Variants in BMAL2 observed in about 807,000 individuals in gnomAD.
BMAL2 encodes the protein basic helix-loop-helix ARNT-like protein 2.
At chr12:27,339,711 G>A in the BMAL2 span, among the ~76,000 whole-genome samples, 5 of 151,104 alleles carry the variant, frequency 3.3e-5, no homozygotes, top group African/African-American at 9.7e-5. Context: ...TGCAAGCTCC[G>A]CCTCCCGGGT....
At chr12:27,382,248 T>C in the BMAL2 span, among the ~76,000 whole-genome samples, 1 of 152,200 alleles carries the variant, frequency 6.6e-6, no homozygotes, top group Non-Finnish European at 1.5e-5. Context: ...ACATTAGCAG[T>C]GTCCTAAGGG....
At chr12:27,415,961 TA>T in the BMAL2 span, 1 of 1,482,738 alleles carries the variant, frequency 6.7e-7, no homozygotes, top group East Asian at 2.3e-5. Context: ...AGTATACTTG[TA>T]AATGATAATA....
At chr12:27,419,795 G>A in the BMAL2 span, among the ~76,000 whole-genome samples, 1 of 152,134 alleles carries the variant, frequency 6.6e-6, no homozygotes, top group East Asian at 1.9e-4. Flanking sequence ...GTCTTTATCT[G>A]CATTTTAACC....
the BMAL2 span, among the ~76,000 whole-genome samples, chr12:27,360,927 TA>T: frequency 1.9e-3 from 292 of 151,924 alleles, no homozygotes; most frequent in African/African-American, 6.5e-3. Flanking sequence ...CTCAAGGAAG[TA>T]ATTTAAACGT....
At chr12:27,333,103 G>C in the BMAL2 span, 4 of 1,206,038 alleles carry the variant, frequency 3.3e-6, no homozygotes, top group Non-Finnish European at 4.1e-6. Context: ...TGCGGCGGGA[G>C]GTGAGGTTGC....
At chr12:27,374,516 C>T in the BMAL2 span, among the ~76,000 whole-genome samples, 2 of 152,156 alleles carry the variant, frequency 1.3e-5, no homozygotes, top group Non-Finnish European at 2.9e-5. Context: ...CCCATGGATG[C>T]TGAGGGACAA....
the BMAL2 span, among the ~76,000 whole-genome samples, chr12:27,409,607 A>G: frequency 3.3e-4 from 51 of 152,372 alleles, no homozygotes; most frequent in Non-Finnish European, 3.4e-4. Flanking sequence ...AGATGGATTA[A>G]AGACTTACAT....
the BMAL2 span, among the ~76,000 whole-genome samples, chr12:27,409,425 C>G: frequency 2.0e-5 from 3 of 152,116 alleles, no homozygotes; most frequent in Admixed American, 2.0e-4. Flanking sequence ...GAACAGAGCC[C>G]TCAGAAATAA....
chr12:27,385,410 T>G, the BMAL2 span: 1 of 860,900 alleles, frequency 1.2e-6, no homozygotes, highest in Non-Finnish European at 1.9e-6. Context: ...AGCAGCAGCA[T>G]TGCTAATGTT....
chr12:27,356,749 C>T, the BMAL2 span, among the ~76,000 whole-genome samples: 12 of 152,090 alleles, frequency 7.9e-5, no homozygotes, highest in South Asian at 2.1e-4. Flanking sequence ...CTAAACATTA[C>T]GTAAGCATTT....
chr12:27,361,832 G>A, the BMAL2 span, among the ~76,000 whole-genome samples: 1 of 152,058 alleles, frequency 6.6e-6, no homozygotes, highest in Non-Finnish European at 1.5e-5. Context: ...TACTGACATA[G>A]AGTCAATGGA....
the BMAL2 span, among the ~76,000 whole-genome samples, chr12:27,408,015 C>T: frequency 1.3e-5 from 2 of 152,144 alleles, no homozygotes; most frequent in Non-Finnish European, 2.9e-5. Context: ...AAATTCCTGA[C>T]ACATACAGCC....
At chr12:27,408,077 G>A in the BMAL2 span, among the ~76,000 whole-genome samples, 1 of 152,014 alleles carries the variant, frequency 6.6e-6, no homozygotes, top group Admixed American at 6.6e-5. Context: ...CCAATAACAG[G>A]CTCTGAAATT....
At chr12:27,378,039 C>T in the BMAL2 span, among the ~76,000 whole-genome samples, 4 of 152,278 alleles carry the variant, frequency 2.6e-5, no homozygotes, top group Admixed American at 6.5e-5. Flanking sequence ...CTCCCACTTA[C>T]CCTCTTTCTC....
the BMAL2 span, chr12:27,400,873 T>G: frequency 2.7e-6 from 3 of 1,129,196 alleles, no homozygotes; most frequent in Non-Finnish European, 3.7e-6. Context: ...TTTTCTTTTT[T>G]CTGTTTCAGA....
the BMAL2 span, among the ~76,000 whole-genome samples, chr12:27,372,130 C>G: frequency 1.3e-5 from 2 of 150,670 alleles, no homozygotes; most frequent in Non-Finnish European, 2.9e-5. Context: ...ACTTGAGAGG[C>G]TGAGGCAGGA....
chr12:27,400,659 A>G, the BMAL2 span: 5 of 1,613,924 alleles, frequency 3.1e-6, no homozygotes, highest in South Asian at 3.3e-5. Flanking sequence ...CCTTGTGGCC[A>G]TTGGAAGATT....
At chr12:27,333,392 A>G in the BMAL2 span, among the ~76,000 whole-genome samples, 1 of 152,128 alleles carries the variant, frequency 6.6e-6, no homozygotes, top group Non-Finnish European at 1.5e-5. Context: ...GGCCGGGCGC[A>G]TTGGCGAAAG....
the BMAL2 span, among the ~76,000 whole-genome samples, chr12:27,413,043 C>T: frequency 6.6e-6 from 1 of 150,988 alleles, no homozygotes; most frequent in African/African-American, 2.4e-5. Context: ...TGTGGTAAGG[C>T]TGTCCTTCAG....
Sources: gnomAD v4.1 joint callset for allele counts (sites outside exome capture counted in the v4.1 genomes callset) on GRCh38, gnomAD v4.1.1 for gene constraint, MANE v1.5 for transcripts, NCBI Gene and HGNC (gene_info 2026-07-23, HGNC 2026-07-21) for gene names.